The following TMEM39A variants were observed in gnomAD, a reference collection of about 807,000 sequenced individuals.
TMEM39A encodes suppressor of SQST-1 aggregates in rpl-43 mutants.
A neutral mutation model predicts 51.9 loss-of-function variants in TMEM39A; 19 were observed. The observed-to-expected ratio is 0.37, with a 90% CI of 0.26 to 0.54. TMEM39A has a LOEUF of 0.54. Ranked by LOEUF, TMEM39A falls within the 20% of genes least tolerant of loss-of-function variation. The pLI is 0.88. For synonymous variants in TMEM39A, 197 were observed against 220.2 expected (o/e 0.89, Z 0.93); for missense variants, 433 against 590.5 (o/e 0.73, Z 2.76).
intron 2 of TMEM39A, among the ~76,000 whole-genome samples, chr3:119,458,998 A>G (rs1560021817): frequency 6.6e-6 from 1 of 152,200 alleles, no homozygotes; most frequent in East Asian, 1.9e-4. Context: ...GTGAAGTGCT[A>G]CTCATCCAGG....
chr3:119,452,313 T>C (rs2081211581), intron 4 of TMEM39A, 134 bp downstream of exon 4: 1 of 562,138 alleles, frequency 1.8e-6, no homozygotes, highest in South Asian at 2.6e-5. Flanking sequence ...TTTTTTAAAG[T>C]ACTGGCAGAA....
At chr3:119,453,457 C>T (rs962222957) in intron 3 of TMEM39A, among the ~76,000 whole-genome samples, 42 of 152,200 alleles carry the variant, frequency 2.8e-4, no homozygotes, top group Non-Finnish European at 5.1e-4. Flanking sequence ...TTTAACTAGG[C>T]ACTGACTCCT....
chr3:119,436,723 C>T, intron 7 of TMEM39A, 68 bp downstream of exon 7: 2 of 1,479,044 alleles, frequency 1.4e-6, no homozygotes, highest in Non-Finnish European at 1.8e-6. Flanking sequence ...GAATGACATA[C>T]AAAGCAAATA....
intron 5 of TMEM39A, chr3:119,446,756 A>G (rs953539502): frequency 2.8e-6 from 1 of 352,236 alleles, no homozygotes; most frequent in African/African-American, 2.1e-5. Context: ...CTTGGTGAAG[A>G]GAGACAATTA....
chr3:119,460,670 A>T (rs894548954), intron 2 of TMEM39A, among the ~76,000 whole-genome samples: 4 of 152,208 alleles, frequency 2.6e-5, no homozygotes, highest in Admixed American at 2.6e-4. Context: ...TCTAGAGAAC[A>T]TAATTATCTA....
chr3:119,442,505 G>A (rs76667346), intron 5 of TMEM39A, among the ~76,000 whole-genome samples: 20,050 of 152,122 alleles, frequency 0.13, 1,390 homozygotes, highest in South Asian at 0.18. Flanking sequence ...TAAGAAATAC[G>A]TTTTGTAAGG....
At position 119,447,037 on chromosome 3, in the gene TMEM39A, G is replaced by A; in HGVS notation, c.556C>T (p.Leu186Phe). ...NLFRSHSVLN[L>F]LFLGYPFGVY... Reference sequence around the variant, plus strand: ...ACTCACGGGTAGCCAAGGAAAAGGAGATTGAGGACTGAATGGCTTCGAAAG... The same window carrying A: ...ACTCACGGGTAGCCAAGGAAAAGGAAATTGAGGACTGAATGGCTTCGAAAG... Residue 186 changes from leucine to phenylalanine, a missense_variant, in exon 5 of 9, where the codon CTC becomes TTC. Transcript: ENST00000319172. The A allele has an allele frequency of 6.2e-7, 1 of 1,614,042 alleles. No homozygotes were observed. The highest frequency in any genetic ancestry group is 8.5e-7 in the Non-Finnish European group (1 of 1,179,988).
intron 5 of TMEM39A, among the ~76,000 whole-genome samples, chr3:119,439,398 T>C (rs191276063): frequency 4.7e-4 from 72 of 152,128 alleles, no homozygotes; most frequent in Non-Finnish European, 1.6e-4. Flanking sequence ...CTGGTCAACA[T>C]GGTAAAACTC....
intron 4 of TMEM39A, among the ~76,000 whole-genome samples, chr3:119,447,645 G>C (rs2081145865): frequency 6.6e-6 from 1 of 151,324 alleles, no homozygotes; most frequent in Non-Finnish European, 1.5e-5. Flanking sequence ...TCGAGACAAA[G>C]TCTCGCTCTG....
chr3:119,449,901 T>C (rs1333059554), intron 4 of TMEM39A, among the ~76,000 whole-genome samples: 3 of 152,072 alleles, frequency 2.0e-5, no homozygotes, highest in Non-Finnish European at 4.4e-5. Context: ...CGTGGAGAGG[T>C]AGTCCTCTCT....
chr3:119,455,803 G>C (rs1025424573), intron 3 of TMEM39A, among the ~76,000 whole-genome samples: 2 of 152,202 alleles, frequency 1.3e-5, no homozygotes, highest in Non-Finnish European at 2.9e-5. Context: ...CAACAAATGA[G>C]AAGTTTCCAG....
At chr3:119,433,705 C>T (rs1183302854) in intron 8 of TMEM39A, among the ~76,000 whole-genome samples, 1 of 152,118 alleles carries the variant, frequency 6.6e-6, no homozygotes, top group East Asian at 1.9e-4. Context: ...AAATCAAGTG[C>T]TCATGTACTT....
intron 5 of TMEM39A, among the ~76,000 whole-genome samples, chr3:119,441,075 T>C (rs2081046464): frequency 6.6e-6 from 1 of 152,224 alleles, no homozygotes; most frequent in African/African-American, 2.4e-5. Context: ...ATGTTTGTTC[T>C]CATTGTTCCA....
At chr3:119,440,459 T>C (rs914107448) in intron 5 of TMEM39A, among the ~76,000 whole-genome samples, 2 of 152,116 alleles carry the variant, frequency 1.3e-5, no homozygotes, top group Non-Finnish European at 2.9e-5. Context: ...AAGAATGGAT[T>C]ATCAGAAGAC....
chr3:119,461,049 G>A (rs2081329556), intron 2 of TMEM39A, among the ~76,000 whole-genome samples: 1 of 152,112 alleles, frequency 6.6e-6, no homozygotes, highest in South Asian at 2.1e-4. Context: ...TCAACATCCT[G>A]CTATGATGCA....
chr3:119,448,365 CCA>C (rs2081155560), intron 4 of TMEM39A, among the ~76,000 whole-genome samples: 1 of 151,834 alleles, frequency 6.6e-6, no homozygotes, highest in South Asian at 2.1e-4. Context: ...GTGATGGAAC[CCA>C]AAAAGGAGAA....
In TMEM39A at chr3:119,438,965, T is replaced by C. The variant is rs186587575; in HGVS notation, c.576-862A>G. Among the ~76,000 whole-genome samples, 69 of 152,312 alleles carry C rather than the reference T, an allele frequency of 4.5e-4. No homozygotes were observed. In the East Asian group the frequency reaches 9.5e-3, roughly 21 times the overall value. On this transcript the variant is annotated intron_variant, in intron 5 of 8. Transcript: ENST00000319172. ...CAATTTAAGCTCTATGAACCAGAGA[T>C]TTCAACGTAATTAATTCACTGCTGT...
chr3:119,445,733 A>G (rs1343621811), intron 5 of TMEM39A, among the ~76,000 whole-genome samples: 2 of 152,356 alleles, frequency 1.3e-5, no homozygotes, highest in East Asian at 3.9e-4. Flanking sequence ...GGATAGAGGG[A>G]TGGAGAGATG....
intron 5 of TMEM39A, among the ~76,000 whole-genome samples, chr3:119,443,410 T>G (rs754543508): frequency 1.3e-5 from 2 of 152,180 alleles, no homozygotes; most frequent in Non-Finnish European, 2.9e-5. Context: ...ACTGTTGTCT[T>G]ATTTTAAGAA....
Sources: allele counts gnomAD v4.1 joint callset (sites outside exome capture counted in the v4.1 genomes callset), GRCh38; gene constraint gnomAD v4.1.1; transcripts MANE v1.5; gene names NCBI Gene and HGNC (gene_info 2026-07-23, HGNC 2026-07-21).